The following QSER1 variants were observed in gnomAD, a reference collection of about 807,000 sequenced individuals.
QSER1 encodes glutamine and serine-rich protein 1.
Under a neutral mutation model 158.5 loss-of-function variants are expected in QSER1, and 49 were observed. The observed-to-expected ratio is 0.31, with a 90% CI of 0.25 to 0.39. The LOEUF (loss-of-function observed/expected upper bound fraction) is 0.39, where lower values mean the gene tolerates loss of function less well. Among genes scored for constraint, QSER1 ranks in the 10% least tolerant of loss-of-function variants. QSER1 has a pLI of 1.00. For synonymous variants in QSER1, 650 were observed against 715.5 expected, an observed-to-expected ratio of 0.91 and a Z score of 1.46; for missense variants, 1,754 against 2,010.3, an observed-to-expected ratio of 0.87 and a Z score of 2.44.
At position 32,931,786 on chromosome 11, in the gene QSER1, T is replaced by C; in HGVS notation, c.528T>C (p.Pro176=). The C allele has an allele frequency of 1.9e-6, 3 of 1,612,882 alleles. No homozygotes were observed. The highest frequency in any genetic ancestry group is 2.5e-6 in the Non-Finnish European group (3 of 1,179,448). The change falls in exon 4 of 13, where the codon CCT becomes CCC. Residue 176 remains proline, a synonymous_variant. Coordinates refer to ENST00000650167, the MANE Select transcript of QSER1 (RefSeq NM_001076786.3). The part of the protein sequence containing the change: ...SAATELFATG[P]LPSTGTLPPS... ...CAACTGAGCTGTTTGCTACTGGACC[T>C]TTGCCAAGCACTGGAACACTTCCAC...
In QSER1 at chr11:32,915,172, T is replaced by C. The variant is rs559659789; in HGVS notation, c.210-11985T>C. 7.9e-5 allele frequency among the ~76,000 whole-genome samples: 12 copies of C among 152,296 alleles called. 1 individual carries two copies. The South Asian group carries it at 1.2e-3, about 16-fold the overall frequency. On this transcript the variant is annotated intron_variant, in intron 1 of 12. Transcript: ENST00000650167. ...ATCCTCCAGCCTTGGCCTCCCAAAG[T>C]GCTGGGATTATGGGTGTGAGCCACT...
At chr11:32,944,204 T>A (rs1198760255) in intron 4 of QSER1, among the ~76,000 whole-genome samples, 1 of 151,438 alleles carries the variant, frequency 6.6e-6, no homozygotes, top group African/African-American at 2.4e-5. Context: ...ATTCATTAAT[T>A]TTTTGAAGGG....
At chr11:32,956,186 T>A in intron 7 of QSER1, 65 bp downstream of exon 7, 1 of 1,350,124 alleles carries the variant, frequency 7.4e-7, no homozygotes, top group Non-Finnish European at 1.0e-6. Flanking sequence ...GATACCAATG[T>A]ACAAAGGAGC....
rs935956125 is a variant in QSER1, at chr11:32,936,280, C to T, written c.4177+845C>T. On this transcript the variant is annotated intron_variant, in intron 4 of 12. Coordinates refer to ENST00000650167, the MANE Select transcript of QSER1 (RefSeq NM_001076786.3). The stretch of plus-strand genomic sequence containing the variant: ...TTCAATTCCCACCTGAGTGAGAACA[C>T]GTGGTGTTTGGTTTTTTGTCCTTGC... Among the ~76,000 whole-genome samples, 9 of 150,064 alleles carry T rather than the reference C, an allele frequency of 6.0e-5. No homozygotes were observed. In the South Asian group the frequency reaches 6.4e-4, roughly 11 times the overall value.
At chr11:32,914,385 T>C (rs1851807587) in intron 1 of QSER1, among the ~76,000 whole-genome samples, 1 of 152,254 alleles carries the variant, frequency 6.6e-6, no homozygotes, top group African/African-American at 2.4e-5. Flanking sequence ...AAAGCTGATA[T>C]ACCTAAAACT....
At chr11:32,943,830 C>T (rs1462072496) in intron 4 of QSER1, among the ~76,000 whole-genome samples, 2 of 152,084 alleles carry the variant, frequency 1.3e-5, no homozygotes, top group Non-Finnish European at 2.9e-5. Flanking sequence ...CTCCTTGTAC[C>T]TCTGGTAGAA....
chr11:32,955,022 C>T (rs1361163372), intron 5 of QSER1, among the ~76,000 whole-genome samples: 1 of 152,168 alleles, frequency 6.6e-6, no homozygotes, highest in Non-Finnish European at 1.5e-5. Flanking sequence ...TAACATAGGA[C>T]AGTGTCATTA....
At chr11:32,928,951 GTATT>G (rs774709621) in intron 3 of QSER1, among the ~76,000 whole-genome samples, 1 of 152,016 alleles carries the variant, frequency 6.6e-6, no homozygotes, top group East Asian at 1.9e-4. Context: ...TATATTTCAT[GTATT>G]TAGTTAGATT....
At chr11:32,898,160 C>T (rs943780616) in intron 1 of QSER1, among the ~76,000 whole-genome samples, 3 of 152,176 alleles carry the variant, frequency 2.0e-5, no homozygotes, top group Non-Finnish European at 4.4e-5. Context: ...CATGGCTACT[C>T]CTACATATTA....
At chr11:32,931,104 T>C (rs745663080) in intron 3 of QSER1, among the ~76,000 whole-genome samples, 6 of 152,166 alleles carry the variant, frequency 3.9e-5, no homozygotes, top group South Asian at 2.1e-4. Flanking sequence ...TTTAATGTTA[T>C]GTACATTTTG....
chr11:32,977,204 A>G lies in QSER1; in HGVS notation c.*730A>G, dbSNP rs1239439899. 6.6e-6 allele frequency: 1 copy of G among 152,494 alleles called. No homozygotes were observed. The highest frequency in any genetic ancestry group is 1.5e-5 in the Non-Finnish European group (1 of 68,012). The allele number at this position is 152,494 out of a possible 1,614,324, so 9.4% of individuals were successfully genotyped here. On this transcript the variant is annotated 3_prime_UTR_variant, in exon 13 of 13. Transcript: ENST00000650167. ...AATTTTCAATTGTACATTTTATTTC[A>G]CTGATAGTTGTATTTTTCACAAGGA... is the stretch of plus-strand genomic sequence containing the variant.
In QSER1 at chr11:32,940,344, G is replaced by A. The variant is rs187327971; in HGVS notation, c.4177+4909G>A. On this transcript the variant is annotated intron_variant, in intron 4 of 12. Transcript: ENST00000650167. Reference sequence around the variant, plus strand: ...TTTGTGTTGTATAGTTTTGCTTAGGGACTATCATGATCCCTGCTTGGTCAT... The same window carrying A: ...TTTGTGTTGTATAGTTTTGCTTAGGAACTATCATGATCCCTGCTTGGTCAT... Among the ~76,000 whole-genome samples the A allele has an allele frequency of 1.5e-3, 222 of 152,278 alleles. 3 individuals carry two copies. The highest frequency in any genetic ancestry group is 2.2e-4 in the Non-Finnish European group (15 of 68,026).
In QSER1 at chr11:32,932,448, T is replaced by G; in HGVS notation, c.1190T>G (p.Ile397Ser). The G allele has an allele frequency of 6.2e-7, 1 of 1,613,462 alleles. No individual in the cohort carries two copies. The highest frequency in any genetic ancestry group is 1.1e-5 in the South Asian group (1 of 91,064). The change falls in exon 4 of 13, where the codon ATT becomes AGT. Residue 397 changes from isoleucine to serine, a missense_variant. This residue lies in a region of QSER1 where 1,707 missense variants were observed against 1,919.6 expected (regional missense o/e 0.89). Coordinates refer to ENST00000650167, the MANE Select transcript of QSER1 (RefSeq NM_001076786.3). ...CTTGCTCAGTCTTACTCATCTGCGA[T>G]TCCATCATCAGGGTATCCTCCTTCT... ...VELAQSYSSA[I>S]PSSGYPPSTT...
At chr11:32,903,423 G>T (rs1002446863) in intron 1 of QSER1, among the ~76,000 whole-genome samples, 1 of 149,622 alleles carries the variant, frequency 6.7e-6, no homozygotes, top group Non-Finnish European at 1.5e-5. Flanking sequence ...ACCAGAAAAA[G>T]AAAAGCAGAA....
chr11:32,909,316 G>T (rs917675520), intron 1 of QSER1, among the ~76,000 whole-genome samples: 1 of 152,260 alleles, frequency 6.6e-6, no homozygotes, highest in African/African-American at 2.4e-5. Flanking sequence ...TTGGGTTCAA[G>T]GAAGGGAAGT....
intron 8 of QSER1, among the ~76,000 whole-genome samples, chr11:32,959,610 G>A (rs1852585635): frequency 6.6e-6 from 1 of 152,142 alleles, no homozygotes; most frequent in African/African-American, 2.4e-5. Context: ...TGGTGAATTA[G>A]TTGTTGGGGC....
chr11:32,924,393 C>T (rs777788102), intron 1 of QSER1, among the ~76,000 whole-genome samples: 59 of 151,788 alleles, frequency 3.9e-4, no homozygotes, highest in Middle Eastern at 6.8e-3. Context: ...CATGGACAAG[C>T]TTTGTCTCTA....
At chr11:32,974,825 G>C (rs2133617326) in intron 11 of QSER1, among the ~76,000 whole-genome samples, 1 of 152,266 alleles carries the variant, frequency 6.6e-6, no homozygotes, top group African/African-American at 2.4e-5. Flanking sequence ...AAAGTTGCTA[G>C]ACAATATGTA....
intron 1 of QSER1, among the ~76,000 whole-genome samples, chr11:32,918,762 G>T (rs957209716): frequency 6.6e-6 from 1 of 152,110 alleles, no homozygotes; most frequent in Non-Finnish European, 1.5e-5. Flanking sequence ...ATTGGAGTTA[G>T]CAAAGATTTA....
Sources: gnomAD v4.1 joint callset for allele counts (sites outside exome capture counted in the v4.1 genomes callset) on GRCh38, gnomAD v4.1.1 for gene constraint, gnomAD v4.1.1 regional missense constraint, MANE v1.5 for transcripts, NCBI Gene and HGNC (gene_info 2026-07-23, HGNC 2026-07-21) for gene names.